Variants in ARMC1 observed in about 807,000 individuals in gnomAD.
ARMC1 encodes armadillo repeat-containing protein 1.
A neutral mutation model predicts 31.4 loss-of-function variants in ARMC1; 16 were observed. The ratio of observed to expected loss-of-function variants is 0.51; its 90% CI spans 0.34 to 0.77. The LOEUF is 0.77. Among genes scored for constraint, ARMC1 ranks in the 30% least tolerant of loss-of-function variants. The pLI is 0.01. For missense variants in ARMC1, 259 were observed against 347.5 expected (o/e 0.75, Z 2.02); for synonymous variants, 114 against 118.9 (o/e 0.96, Z 0.27).
intron 1 of ARMC1, among the ~76,000 whole-genome samples, chr8:65,628,391 A>ATTTTTTTTTTTTTTTTTTTTTTTTTTTTT (rs763494218): frequency 1.3e-5 from 1 of 78,810 alleles, no homozygotes; most frequent in Non-Finnish European, 2.4e-5. Context: ...CGCCCGGCTA[A>ATTTTTTTTTTTTTTTTTTTTTTTTTTTTT]TTTTTTTTTT....
intron 1 of ARMC1, 69 bp from the exon 2 acceptor site, chr8:65,627,502 G>C: frequency 1.2e-6 from 1 of 818,186 alleles, no homozygotes; most frequent in South Asian, 3.5e-5. Context: ...GAAATAACCA[G>C]GATTACAACA....
At chr8:65,623,250 G>A (rs1380430048) in intron 2 of ARMC1, among the ~76,000 whole-genome samples, 1 of 142,180 alleles carries the variant, frequency 7.0e-6, no homozygotes, top group African/African-American at 2.7e-5. Context: ...GGAGGTTGCA[G>A]TGAGCCGAGA....
chr8:65,622,393 G>A, intron 2 of ARMC1, 39 bp from the exon 3 acceptor site: 3 of 1,525,616 alleles, frequency 2.0e-6, no homozygotes, highest in Admixed American at 2.0e-5. Context: ...CGTCTGTCCA[G>A]ACTATTCAAA....
Position 65,614,747 on chromosome 8 carries a change from C to G in ARMC1, c.276-1314G>C, listed in dbSNP as rs567557605. Among the ~76,000 whole-genome samples, 8 of 152,246 alleles carry G rather than the reference C, an allele frequency of 5.3e-5. No homozygotes were observed. The South Asian group carries it at 1.7e-3, about 32-fold the overall frequency. On this transcript the variant is annotated intron_variant, in intron 3 of 6. Coordinates refer to ENST00000276569, the MANE Select transcript of ARMC1 (RefSeq NM_018120.6). ...TTTATATGTTCTTTGTTCTAGAATG[C>G]TTTCTACCCTTAAGTTTTGTTCAGG...
In ARMC1 at chr8:65,623,786, C is replaced by CTTTTTTTTTTTTTT. The variant is rs201008780; in HGVS notation, c.184-1446_184-1433dup. On this transcript the variant is annotated intron_variant, in intron 2 of 6. Coordinates refer to ENST00000276569, the MANE Select transcript of ARMC1 (RefSeq NM_018120.6). The stretch of plus-strand genomic sequence containing the variant: ...ATGCCAGAAGACAACAAAGTAAAAT[C>CTTTTTTTTTTTTTT]TTTTTTTTTTTTTTTTTTTTTTTTT... Among the ~76,000 whole-genome samples, 16 of 26,078 alleles carry CTTTTTTTTTTTTTT rather than the reference C, an allele frequency of 6.1e-4. 3 individuals carry two copies. Among genetic ancestry groups the CTTTTTTTTTTTTTT allele is most frequent in the South Asian group, 2.1e-3 (1 of 472 alleles). 17.1% of individuals were successfully genotyped at this position (26,078 alleles called of 152,430 possible). A position where few individuals can be genotyped will look rare whatever the true frequency, so the allele number is the denominator to read the frequency against.
chr8:65,631,770 G>T (rs940510569), intron 1 of ARMC1, among the ~76,000 whole-genome samples: 1 of 152,058 alleles, frequency 6.6e-6, no homozygotes, highest in Non-Finnish European at 1.5e-5. Context: ...TAACTCAGGA[G>T]GCTGAGGCAG....
At chr8:65,618,056 C>T (rs1328169780) in intron 3 of ARMC1, among the ~76,000 whole-genome samples, 1 of 152,072 alleles carries the variant, frequency 6.6e-6, no homozygotes, top group Non-Finnish European at 1.5e-5. Flanking sequence ...GCTGGGATTA[C>T]AGGTACGTAC....
At chr8:65,617,037 G>C (rs1466532602) in intron 3 of ARMC1, among the ~76,000 whole-genome samples, 1 of 151,698 alleles carries the variant, frequency 6.6e-6, no homozygotes, top group African/African-American at 2.4e-5. Flanking sequence ...CACCCCGTCC[G>C]GGAGGTGGGG....
rs1184834657 is a variant in ARMC1, at chr8:65,603,678, C to G, written c.*716G>C. ...GAAGTCAACTAGAACCACATTTGGT[C>G]ACATTCAAACAGTCTCCAAAAACAC... On this transcript the variant is annotated 3_prime_UTR_variant, in exon 7 of 7. Coordinates refer to ENST00000276569, the MANE Select transcript of ARMC1 (RefSeq NM_018120.6). The G allele has an allele frequency of 1.3e-5, 2 of 152,292 alleles. 1 individual carries two copies. The highest frequency in any genetic ancestry group is 2.9e-5 in the Non-Finnish European group (2 of 68,016). The allele number at this position is 152,292 out of a possible 1,614,324, so 9.4% of individuals were successfully genotyped here. A position where few individuals can be genotyped will look rare whatever the true frequency, so the allele number is the denominator to read the frequency against.
chr8:65,629,714 G>A (rs754532085), intron 1 of ARMC1, among the ~76,000 whole-genome samples: 5 of 149,684 alleles, frequency 3.3e-5, no homozygotes, highest in Admixed American at 2.0e-4. Flanking sequence ...CAGGAGAATC[G>A]CTTGAACTTG....
chr8:65,630,100 G>C (rs1808609609), intron 1 of ARMC1, among the ~76,000 whole-genome samples: 1 of 152,118 alleles, frequency 6.6e-6, no homozygotes, highest in African/African-American at 2.4e-5. Context: ...AGCCGAGATT[G>C]TGCCACTGCA....
intron 2 of ARMC1, among the ~76,000 whole-genome samples, chr8:65,624,830 A>G (rs2129043750): frequency 6.6e-6 from 1 of 152,238 alleles, no homozygotes; most frequent in South Asian, 2.1e-4. Context: ...TAAAAACAAC[A>G]CACCCAATGG....
chr8:65,630,195 C>CA (rs1201938874), intron 1 of ARMC1, among the ~76,000 whole-genome samples: 2 of 149,526 alleles, frequency 1.3e-5, no homozygotes, highest in African/African-American at 2.4e-5. Flanking sequence ...GGTCTCACCA[C>CA]AAAAAATAAG....
intron 3 of ARMC1, among the ~76,000 whole-genome samples, chr8:65,618,127 G>C (rs2129042592): frequency 6.6e-6 from 1 of 152,140 alleles, no homozygotes; most frequent in East Asian, 2.0e-4. Context: ...TGTTGGTCAG[G>C]CTGGTCTCGA....
intron 3 of ARMC1, 130 bp downstream of exon 3, chr8:65,622,133 T>C: frequency 4.5e-6 from 3 of 671,636 alleles, no homozygotes; most frequent in Non-Finnish European, 7.8e-6. Flanking sequence ...ATCATGCCTA[T>C]AATTCCAGCA....
intron 4 of ARMC1, among the ~76,000 whole-genome samples, chr8:65,607,024 C>T (rs4737747): frequency 0.34 from 52,064 of 152,208 alleles, 9,418 homozygotes; most frequent in East Asian, 0.47. Context: ...CAATCTGCAA[C>T]TGACCCACGT....
rs551369551 is a variant in ARMC1 at position 65,631,227 on chromosome 8, T to A, written c.-36+2771A>T. Among the ~76,000 whole-genome samples, 5 of 152,288 alleles carry A rather than the reference T, an allele frequency of 3.3e-5. No homozygotes were observed. The South Asian group carries it at 1.0e-3, about 32-fold the overall frequency. On this transcript the variant is annotated intron_variant, in intron 1 of 6. Transcript: ENST00000276569. The stretch of plus-strand genomic sequence containing the variant: ...AGTTACTCTGACATCCATTTCTAAC[T>A]ACCACATTGCCTGAATTTTTGGGGG...
chr8:65,618,033 A>G (rs886882248), intron 3 of ARMC1, among the ~76,000 whole-genome samples: 1 of 152,008 alleles, frequency 6.6e-6, no homozygotes, highest in Admixed American at 6.6e-5. Flanking sequence ...TTCCTGTCTC[A>G]GCCCCGTGAG....
intron 4 of ARMC1, 142 bp from the exon 5 acceptor site, chr8:65,605,680 G>C: frequency 3.1e-6 from 2 of 638,418 alleles, no homozygotes; most frequent in Non-Finnish European, 5.5e-6. Context: ...CACAGAGTGG[G>C]GGAGTGCTTA....
Sources: allele counts gnomAD v4.1 joint callset (sites outside exome capture counted in the v4.1 genomes callset), GRCh38; gene constraint gnomAD v4.1.1; transcripts MANE v1.5; gene names NCBI Gene and HGNC (gene_info 2026-07-23, HGNC 2026-07-21).